Variants in SYNDIG1 observed in about 807,000 individuals in gnomAD.
The protein encoded by SYNDIG1 is synapse differentiation-inducing gene protein 1.
Under a neutral mutation model 19.4 loss-of-function variants are expected in SYNDIG1, and 9 were observed. That is an observed-to-expected ratio of 0.46 (90% CI 0.28 to 0.81). SYNDIG1 has a LOEUF of 0.81. Among genes scored for constraint, SYNDIG1 ranks in the 30% least tolerant of loss-of-function variants. SYNDIG1 has a pLI of 0.12. For missense variants in SYNDIG1, 311 were observed against 343.3 expected, an observed-to-expected ratio of 0.91 and a Z score of 0.74; for synonymous variants, 141 against 145.9, an observed-to-expected ratio of 0.97 and a Z score of 0.24.
intron 2 of SYNDIG1, among the ~76,000 whole-genome samples, chr20:24,547,949 A>T (rs146981088): frequency 6.6e-6 from 1 of 152,260 alleles, no homozygotes; most frequent in East Asian, 1.9e-4. Context: ...AACCTCTCAG[A>T]CCTGAAGTAC....
intron 3 of SYNDIG1, among the ~76,000 whole-genome samples, chr20:24,647,971 T>A (rs1426633734): frequency 6.6e-6 from 1 of 152,030 alleles, no homozygotes; most frequent in Non-Finnish European, 1.5e-5. Flanking sequence ...AGGCTGCAGA[T>A]GGCCACCTTC....
At chr20:24,534,631 G>T (rs950141191) in intron 1 of SYNDIG1, among the ~76,000 whole-genome samples, 1 of 152,122 alleles carries the variant, frequency 6.6e-6, no homozygotes, top group Non-Finnish European at 1.5e-5. Context: ...GCTTTGTCTC[G>T]CCCACTGGTT....
chr20:24,547,357 G>C (rs78574569), intron 2 of SYNDIG1, among the ~76,000 whole-genome samples: 3,214 of 152,352 alleles, frequency 0.021, 128 homozygotes, highest in African/African-American at 0.074. Flanking sequence ...TTGCCTTCGA[G>C]GTTGTGGTAG....
At chr20:24,608,108 G>A (rs1472978160) in intron 3 of SYNDIG1, among the ~76,000 whole-genome samples, 1 of 151,908 alleles carries the variant, frequency 6.6e-6, no homozygotes, top group African/African-American at 2.4e-5. Flanking sequence ...TAATTATAAA[G>A]ATATGATCTA....
intron 3 of SYNDIG1, among the ~76,000 whole-genome samples, chr20:24,625,893 G>C (rs1017925245): frequency 2.0e-4 from 31 of 152,240 alleles, no homozygotes; most frequent in Non-Finnish European, 3.8e-4. Context: ...CCTCCCAGAC[G>C]AGGTGGTGGC....
chr20:24,648,390 A>G (rs1457042736), intron 3 of SYNDIG1, among the ~76,000 whole-genome samples: 1 of 152,242 alleles, frequency 6.6e-6, no homozygotes, highest in Non-Finnish European at 1.5e-5. Context: ...GCACCTTCCC[A>G]GTGTGTCCAC....
At chr20:24,564,050 C>A (rs2057995631) in intron 2 of SYNDIG1, among the ~76,000 whole-genome samples, 1 of 152,130 alleles carries the variant, frequency 6.6e-6, no homozygotes, top group Admixed American at 6.5e-5. Flanking sequence ...AGGACCGTGG[C>A]CAAACCCCTA....
chr20:24,615,496 A>G (rs1455900483), intron 3 of SYNDIG1, among the ~76,000 whole-genome samples: 1 of 152,188 alleles, frequency 6.6e-6, no homozygotes, highest in African/African-American at 2.4e-5. Context: ...TGAAGACTGT[A>G]GGGCTTTGCG....
intron 3 of SYNDIG1, among the ~76,000 whole-genome samples, chr20:24,601,177 G>C (rs1334467773): frequency 2.0e-5 from 3 of 152,136 alleles, no homozygotes; most frequent in Non-Finnish European, 4.4e-5. Context: ...TGCATTCCTA[G>C]AATAAACCCT....
At chr20:24,636,871 T>C (rs2059321329) in intron 3 of SYNDIG1, among the ~76,000 whole-genome samples, 2 of 152,258 alleles carry the variant, frequency 1.3e-5, no homozygotes. Flanking sequence ...TCTTTTTAAC[T>C]GCTATATCAT....
chr20:24,614,562 T>C (rs949040607), intron 3 of SYNDIG1, among the ~76,000 whole-genome samples: 1 of 137,872 alleles, frequency 7.3e-6, no homozygotes, highest in South Asian at 2.2e-4. Context: ...ATCACAGCAA[T>C]ATATTAAATT....
intron 3 of SYNDIG1, among the ~76,000 whole-genome samples, chr20:24,613,904 C>T (rs542583308): frequency 2.6e-5 from 4 of 152,324 alleles, no homozygotes; most frequent in African/African-American, 9.6e-5. Flanking sequence ...GGCCATGCTG[C>T]CTCCCAGGTA....
chr20:24,622,922 T>G (rs1230455551), intron 3 of SYNDIG1, among the ~76,000 whole-genome samples: 1 of 152,120 alleles, frequency 6.6e-6, no homozygotes, highest in Non-Finnish European at 1.5e-5. Context: ...AACTGAGATA[T>G]ATCCTGTTTA....
At chr20:24,605,891 G>A (rs1341818917) in intron 3 of SYNDIG1, among the ~76,000 whole-genome samples, 1 of 152,172 alleles carries the variant, frequency 6.6e-6, no homozygotes, top group Non-Finnish European at 1.5e-5. Flanking sequence ...TGGACTTAGG[G>A]CTCACCTCCA....
intron 3 of SYNDIG1, among the ~76,000 whole-genome samples, chr20:24,635,810 C>T (rs1022445585): frequency 2.1e-4 from 32 of 152,186 alleles, no homozygotes; most frequent in Admixed American, 6.5e-5. Context: ...CTTCCAGTTT[C>T]CTCCACACTC....
chr20:24,594,542 T>A (rs1447547614), intron 3 of SYNDIG1, among the ~76,000 whole-genome samples: 1 of 152,128 alleles, frequency 6.6e-6, no homozygotes, highest in Non-Finnish European at 1.5e-5. Context: ...TATAAAATAA[T>A]TTGTTTTCCG....
chr20:24,513,388 C>A (rs6076233), intron 1 of SYNDIG1, among the ~76,000 whole-genome samples: 113,198 of 152,046 alleles, frequency 0.74, 42,355 homozygotes, highest in African/African-American at 0.82. Flanking sequence ...AAAAGCTTAG[C>A]TGAATGGCTA....
At chr20:24,484,403 G>T (rs556267312) in intron 1 of SYNDIG1, among the ~76,000 whole-genome samples, 1 of 152,128 alleles carries the variant, frequency 6.6e-6, no homozygotes, top group African/African-American at 2.4e-5. Flanking sequence ...ATTAAACTTC[G>T]TAAAAGGAAG....
intron 1 of SYNDIG1, among the ~76,000 whole-genome samples, chr20:24,505,416 G>A (rs1043054733): frequency 6.6e-5 from 10 of 152,126 alleles, no homozygotes; most frequent in Admixed American, 2.6e-4. Flanking sequence ...GGGAAGAGGG[G>A]GGCTCAGAGT....
Sources: gnomAD v4.1 joint callset for allele counts (sites outside exome capture counted in the v4.1 genomes callset) on GRCh38, gnomAD v4.1.1 for gene constraint, MANE v1.5 for transcripts, NCBI Gene and HGNC (gene_info 2026-07-23, HGNC 2026-07-21) for gene names.